L3MBTL4: variants seen among roughly 807,000 people sequenced by gnomAD.
L3MBTL4 encodes the protein L3MBTL histone methyl-lysine binding protein 4.
Under a neutral mutation model 84.5 loss-of-function variants are expected in L3MBTL4, and 70 were observed. The observed-to-expected ratio is 0.83, with a 90% confidence interval of 0.68 to 1.01. The LOEUF (loss-of-function observed/expected upper bound fraction) is 1.01, where lower values mean the gene tolerates loss of function less well. L3MBTL4 is among the 50% of genes least tolerant of loss of function. L3MBTL4 has a pLI of 0.00. For synonymous variants in L3MBTL4, 274 were observed against 259.8 expected, an observed-to-expected ratio of 1.05 and a Z score of -0.52; for missense variants, 715 against 754.8, an observed-to-expected ratio of 0.95 and a Z score of 0.62.
chr18:6,061,291 C>G (rs2057211124), intron 16 of L3MBTL4, among the ~76,000 whole-genome samples: 1 of 152,002 alleles, frequency 6.6e-6, no homozygotes, highest in South Asian at 2.1e-4. Flanking sequence ...TCATTTGTGT[C>G]TGCTGATATG....
intron 14 of L3MBTL4, among the ~76,000 whole-genome samples, chr18:6,122,356 T>A (rs1457327257): frequency 1.3e-5 from 2 of 152,208 alleles, no homozygotes; most frequent in Admixed American, 1.3e-4. Flanking sequence ...ATGATTTGGC[T>A]GTGTCCCCAC....
At chr18:6,226,962 G>A (rs1049016442) in intron 10 of L3MBTL4, among the ~76,000 whole-genome samples, 1 of 151,900 alleles carries the variant, frequency 6.6e-6, no homozygotes. Flanking sequence ...GTAAATTGTA[G>A]GTTAAAAAGT....
intron 12 of L3MBTL4, among the ~76,000 whole-genome samples, chr18:6,208,093 C>T (rs537481208): frequency 1.5e-4 from 23 of 150,392 alleles, no homozygotes; most frequent in East Asian, 3.9e-4. Flanking sequence ...TTAGCCTAGG[C>T]GACAAAACAA....
At chr18:6,151,511 G>T (rs1157538779) in intron 13 of L3MBTL4, among the ~76,000 whole-genome samples, 1 of 152,140 alleles carries the variant, frequency 6.6e-6, no homozygotes, top group Non-Finnish European at 1.5e-5. Context: ...TCCTGTCTCA[G>T]CCTCTCAAGT....
At chr18:6,337,271 T>C (rs966697209) in intron 1 of L3MBTL4, among the ~76,000 whole-genome samples, 15 of 151,968 alleles carry the variant, frequency 9.9e-5, no homozygotes, top group South Asian at 2.1e-4. Context: ...CACCAAACAA[T>C]AGACTCTCAC....
chr18:6,284,376 C>G (rs1460277340), intron 4 of L3MBTL4, among the ~76,000 whole-genome samples: 1 of 152,176 alleles, frequency 6.6e-6, no homozygotes, highest in South Asian at 2.1e-4. Context: ...CAGACCCACC[C>G]GGGCGTCGAG....
At chr18:6,076,569 C>T (rs928257112) in intron 16 of L3MBTL4, among the ~76,000 whole-genome samples, 3 of 151,924 alleles carry the variant, frequency 2.0e-5, no homozygotes, top group Admixed American at 1.3e-4. Flanking sequence ...AGAAATAACC[C>T]GGAAGATGTA....
intron 4 of L3MBTL4, among the ~76,000 whole-genome samples, chr18:6,265,002 T>C (rs143695137): frequency 2.1e-4 from 32 of 152,302 alleles, no homozygotes; most frequent in Non-Finnish European, 4.3e-4. Context: ...GCCAGTAAAT[T>C]GCTTTGTAGA....
intron 12 of L3MBTL4, among the ~76,000 whole-genome samples, chr18:6,203,486 C>T (rs11873103): frequency 0.068 from 10,317 of 152,154 alleles, 1,133 homozygotes; most frequent in African/African-American, 0.23. Context: ...TTCCAGAGAA[C>T]CTTATAACAG....
intron 1 of L3MBTL4, among the ~76,000 whole-genome samples, chr18:6,358,936 C>A (rs993041093): frequency 6.6e-5 from 10 of 152,164 alleles, no homozygotes; most frequent in Non-Finnish European, 1.5e-4. Context: ...GTGGATAGCC[C>A]AGGTATGATT....
chr18:6,223,754 T>C (rs939132192), intron 10 of L3MBTL4, among the ~76,000 whole-genome samples: 18 of 152,178 alleles, frequency 1.2e-4, no homozygotes, highest in Non-Finnish European at 1.0e-4. Context: ...ACCTCCAAGT[T>C]TGGCCCTCCC....
intron 16 of L3MBTL4, among the ~76,000 whole-genome samples, chr18:5,985,838 G>A (rs2053440515): frequency 6.6e-6 from 1 of 152,148 alleles, no homozygotes; most frequent in South Asian, 2.1e-4. Context: ...CACAGTAGAA[G>A]TGAGGGATGG....
At chr18:6,264,610 C>T (rs2048548408) in intron 4 of L3MBTL4, among the ~76,000 whole-genome samples, 1 of 152,134 alleles carries the variant, frequency 6.6e-6, no homozygotes, top group South Asian at 2.1e-4. Context: ...ATGGTGAAAC[C>T]CCGTCTCTAC....
intron 1 of L3MBTL4, among the ~76,000 whole-genome samples, chr18:6,366,052 A>T (rs913164250): frequency 1.1e-4 from 17 of 152,318 alleles, no homozygotes; most frequent in African/African-American, 4.1e-4. Flanking sequence ...AACCTCAATT[A>T]TATACATGCC....
Position 6,143,018 on chromosome 18 carries a change from T to A in L3MBTL4, c.1097-4722A>T, listed in dbSNP as rs974543127. Reference sequence around the variant, plus strand: ...CTAAACTGCATCTCACAATACATTATGCAAGCTATCATTACAAAGGTCTGT... The same window carrying A: ...CTAAACTGCATCTCACAATACATTAAGCAAGCTATCATTACAAAGGTCTGT... On this transcript the variant is annotated intron_variant, in intron 13 of 18. Transcript: ENST00000317931. Among the ~76,000 whole-genome samples, 3 of 152,174 alleles carry A rather than the reference T, an allele frequency of 2.0e-5. No individual in the cohort carries two copies. In the East Asian group the frequency reaches 5.8e-4, roughly 29 times the overall value.
At chr18:6,056,810 G>A (rs1169845128) in intron 16 of L3MBTL4, among the ~76,000 whole-genome samples, 2 of 152,142 alleles carry the variant, frequency 1.3e-5, no homozygotes, top group African/African-American at 4.8e-5. Context: ...TTATTGAGCT[G>A]TGTGACGTTG....
chr18:6,225,101 G>A (rs1021980189), intron 10 of L3MBTL4, among the ~76,000 whole-genome samples: 1 of 152,186 alleles, frequency 6.6e-6, no homozygotes, highest in Admixed American at 6.6e-5. Context: ...GAAAGCCACT[G>A]AAGACTGTTA....
chr18:6,341,042 G>A (rs466524), intron 1 of L3MBTL4, among the ~76,000 whole-genome samples: 39,901 of 151,622 alleles, frequency 0.26, 6,622 homozygotes, highest in African/African-American at 0.48. Context: ...GAGTATGGGC[G>A]TCCATTGATA....
At position 6,414,585 on chromosome 18, in the gene L3MBTL4, C is replaced by T. The variant is rs1023223969; in HGVS notation, c.-91+216G>A. ...GAGGCAGCGCCTCTCGCGGGGAGCC[C>T]GGCGCGCGCCCCGGCGGCGAAAGAG... On this transcript the variant is annotated intron_variant, in intron 1 of 18. Transcript: ENST00000317931. This position sits in a 1 kb window ranked among gnomAD's most constrained non-coding sequence, Gnocchi z 5.4. 1 of 152,048 alleles carries T rather than the reference C, an allele frequency of 6.6e-6. No homozygotes were observed. The highest frequency in any genetic ancestry group is 6.6e-5 in the Admixed American group (1 of 15,264). 9.4% of individuals were successfully genotyped at this position (152,048 alleles called of 1,614,324 possible).
Sources: allele counts gnomAD v4.1 joint callset (sites outside exome capture counted in the v4.1 genomes callset), GRCh38; gene constraint gnomAD v4.1.1; non-coding constraint Gnocchi (gnomAD v3.1); transcripts MANE v1.5; gene names NCBI Gene and HGNC (gene_info 2026-07-23, HGNC 2026-07-21).